The following TOP1MT variants were observed in gnomAD, a reference collection of about 807,000 sequenced individuals.
TOP1MT encodes DNA topoisomerase I, mitochondrial.
In TOP1MT, 80 loss-of-function variants were observed where a neutral mutation model predicts 73.9. That is an observed-to-expected ratio of 1.08 (90% confidence interval 0.90 to 1.30). The LOEUF is 1.30. Among genes scored for constraint, TOP1MT ranks in the 50% most tolerant of loss-of-function variants. The probability of loss-of-function intolerance (pLI) is 0.00; values close to 1 mark genes in which losing one functional copy is unlikely to be tolerated. For missense variants in TOP1MT, 815 were observed against 808.0 expected (o/e 1.01, Z -0.10); for synonymous variants, 338 against 326.4 (o/e 1.04, Z -0.38).
rs548001929 is a variant in TOP1MT at position 143,343,551 on chromosome 8, G to A, written c.-38-265C>T. ...TGCGAACACATCTCAGGCCCCTCCC[G>A]GCCTCGGGAAGAGTGGGCAGGCAGT... On this transcript the variant is annotated intron_variant, in intron 1 of 5. Coordinates refer to the TOP1MT transcript ENST00000518007. The A allele has an allele frequency of 5.9e-4, 164 of 278,852 alleles. 5 individuals are homozygous for A. The highest frequency in any genetic ancestry group is 5.2e-3 in the South Asian group (146 of 28,008). 17.3% of individuals were successfully genotyped at this position (278,852 alleles called of 1,614,324 possible).
chr8:143,310,922 A>G (rs1466794155), intron 12 of TOP1MT, among the ~76,000 whole-genome samples: 1 of 150,724 alleles, frequency 6.6e-6, no homozygotes, highest in Admixed American at 6.6e-5. Context: ...GCACGCACAC[A>G]CAGTCCTTCT....
Position 143,316,096 on chromosome 8 carries a change from G to A in TOP1MT, c.1361C>T (p.Ser454Phe), listed in dbSNP as rs369339244. 3.7e-6 allele frequency: 6 copies of A among 1,614,154 alleles called. No homozygotes were observed. The highest frequency in any genetic ancestry group is 3.3e-5 in the South Asian group (3 of 91,084). ...AEDSIAAKIL[S>F]YNRANRVVAI... ...CACGACTCGGTTGGCTCGGTTGTAG[G>A]ATAAGATCTTAGCTGCTATGCTGTC... The change falls in exon 11 of 14, where the codon TCC becomes TTC. Residue 454 changes from serine (S) to phenylalanine (F), a missense_variant. Physicochemically the swap from Ser to Phe is radical, Grantham distance 155 (BLOSUM62 -2). Transcript: ENST00000329245.
chr8:143,324,108 C>T lies in TOP1MT; in HGVS notation c.851G>A (p.Arg284Gln), dbSNP rs1816637322. 2 of 1,613,828 alleles carry T rather than the reference C, an allele frequency of 1.2e-6. No homozygotes were observed. Among genetic ancestry groups the T allele is most frequent in the Non-Finnish European group, 1.7e-6 (2 of 1,180,028 alleles). Residue 284 changes from arginine (R) to glutamine (Q), a missense_variant, in exon 7 of 14, where the codon CGA (arginine) becomes CAA (glutamine). Transcript: ENST00000329245. ...ETAWQKFETA[R>Q]RLRGFVDEIR... is the part of the protein sequence containing the mutation. ...CTCGTCCACAAATCCCCGCAGGCGT[C>T]GAGCTGTTTCAAACTTCTGCCAAGC...
In TOP1MT at chr8:143,341,215, ATTC is replaced by A. The variant is rs1385740136; in HGVS notation, c.29+2002_29+2004del. On this transcript the variant is annotated intron_variant, in intron 2 of 5. Transcript: ENST00000518007. The surrounding 1 kb of genome is among the most constrained non-coding windows in gnomAD (Gnocchi z 4.1). The stretch of plus-strand genomic sequence containing the variant: ...CCCTTTCTCCCCTTTCTCTTCGGAT[ATTC>A]TTTTTTTTTTCTCAGTTTGTGCCTC... Among the ~76,000 whole-genome samples, 2 of 151,622 alleles carry A rather than the reference ATTC, an allele frequency of 1.3e-5. No individual in the cohort carries two copies. Among genetic ancestry groups the A allele is most frequent in the Non-Finnish European group, 2.9e-5 (2 of 67,918 alleles).
intron 13 of TOP1MT, chr8:143,309,855 A>T (rs1815956374): frequency 6.5e-7 from 1 of 1,536,348 alleles, no homozygotes. Context: ...GGCCACTGTC[A>T]GCACCCCCAC....
At chr8:143,328,674 T>A (rs939470298) in intron 3 of TOP1MT, among the ~76,000 whole-genome samples, 1 of 152,182 alleles carries the variant, frequency 6.6e-6, no homozygotes, top group African/African-American at 2.4e-5. Flanking sequence ...GCTTTACACA[T>A]GCAAAGGCCT....
chr8:143,342,249 CAG>C (rs760221993), intron 2 of TOP1MT, among the ~76,000 whole-genome samples: 4 of 132,184 alleles, frequency 3.0e-5, no homozygotes, highest in South Asian at 2.2e-4. Flanking sequence ...TTATTAGAGA[CAG>C]AGTCTCGCTC....
Position 143,315,954 on chromosome 8 carries a change from G to A in TOP1MT, c.1458+45C>T, listed in dbSNP as rs576352611. On this transcript the variant is annotated intron_variant, in intron 11 of 13. Transcript: ENST00000329245. ...GTGCCGAGGCTCTGGGGAGGGGGAG[G>A]GGTCCCTTGAGGGCTGGGCTGGGGG... 9.2e-5 allele frequency: 148 copies of A among 1,613,256 alleles called. No homozygotes were observed. In the South Asian group the frequency reaches 1.4e-3, roughly 15 times the overall value.
intron 8 of TOP1MT, among the ~76,000 whole-genome samples, chr8:143,320,194 T>C (rs953788308): frequency 2.2e-4 from 34 of 151,710 alleles, no homozygotes; most frequent in African/African-American, 7.3e-4. Flanking sequence ...AGTGGTGCCA[T>C]CTTGGCTCAC....
At chr8:143,322,904 A>C (rs1816538436) in intron 7 of TOP1MT, among the ~76,000 whole-genome samples, 2 of 49,620 alleles carry the variant, frequency 4.0e-5, no homozygotes, top group African/African-American at 6.3e-5. Flanking sequence ...CACGCACGCC[A>C]CACACGCACG....
At chr8:143,339,548 CACTT>C (rs138770660), upstream of TOP1MT, among the ~76,000 whole-genome samples, 1,342 of 152,250 alleles carry the variant, frequency 8.8e-3, 15 homozygotes, top group African/African-American at 0.03. Flanking sequence ...AGCAAACACT[CACTT>C]ACTGCTGGCT....
At chr8:143,315,929 G>A (rs1342149082) in intron 11 of TOP1MT, 70 bp downstream of exon 11, 1 of 1,609,014 alleles carries the variant, frequency 6.2e-7, no homozygotes, top group East Asian at 2.2e-5. Context: ...TCCCAGGCCT[G>A]TGCCGAGGCT....
At chr8:143,357,391 G>A (rs1035132019), upstream of TOP1MT, among the ~76,000 whole-genome samples, 4 of 148,686 alleles carry the variant, frequency 2.7e-5, no homozygotes, top group African/African-American at 7.6e-5. Context: ...GGGCGACAGA[G>A]TGAGACCTTG....
chr8:143,334,951 G>GGC (rs1193846876), upstream of TOP1MT: 1 of 1,163,838 alleles, frequency 8.6e-7, no homozygotes, highest in African/African-American at 4.0e-5. Context: ...GCCCCCGAGC[G>GGC]CGGCCTCCGC....
Position 143,310,239 on chromosome 8 carries a change from G to A in TOP1MT, c.1554-22C>T, listed in dbSNP as rs1040407689. 2.1e-5 allele frequency: 31 copies of A among 1,483,626 alleles called. 1 individual carries two copies. In the South Asian group the frequency reaches 3.2e-4, roughly 15 times the overall value. 91.9% of individuals were successfully genotyped at this position (1,483,626 alleles called of 1,614,324 possible). A position where few individuals can be genotyped will look rare whatever the true frequency, so the allele number is the denominator to read the frequency against. ...GACACTGGCAAGAGAAGAGGAGGCCGCGAGGCCCCGCGCTGGACTAGCGCC... is the reference window on the plus strand; with the variant it reads ...GACACTGGCAAGAGAAGAGGAGGCCACGAGGCCCCGCGCTGGACTAGCGCC... On this transcript the variant is annotated intron_variant, in intron 12 of 13. Transcript: ENST00000329245.
upstream of TOP1MT, among the ~76,000 whole-genome samples, chr8:143,356,785 C>CAAAAAA (rs1161995816): frequency 1.0e-3 from 26 of 25,960 alleles, 3 homozygotes; most frequent in African/African-American, 5.1e-3. Flanking sequence ...GACTCTGTCT[C>CAAAAAA]AAAAAAAAAA....
chr8:143,357,794 G>A (rs144411683), upstream of TOP1MT, among the ~76,000 whole-genome samples: 317 of 151,744 alleles, frequency 2.1e-3, 1 homozygote, highest in African/African-American at 7.2e-3. Flanking sequence ...GGTGGCACAC[G>A]ACTGTAGTCT....
chr8:143,326,772 C>T (rs6558349), intron 3 of TOP1MT, among the ~76,000 whole-genome samples: 119,035 of 152,172 alleles, frequency 0.78, 46,911 homozygotes, highest in African/African-American at 0.86. Context: ...GGGAGCTCAT[C>T]TGGTGAACGT....
intron 12 of TOP1MT, among the ~76,000 whole-genome samples, chr8:143,311,747 CAA>C (rs34398519): frequency 0.52 from 70,364 of 134,502 alleles, 18,037 homozygotes; most frequent in East Asian, 0.75. Context: ...GACTCTGTGT[CAA>C]AAAAAAAAAA....
Sources: gnomAD v4.1 joint callset for allele counts (sites outside exome capture counted in the v4.1 genomes callset) on GRCh38, gnomAD v4.1.1 for gene constraint, Gnocchi (gnomAD v3.1) non-coding constraint, MANE v1.5 for transcripts, NCBI Gene and HGNC (gene_info 2026-07-23, HGNC 2026-07-21) for gene names.